CSMD1: variants seen among roughly 807,000 people sequenced by gnomAD.
CSMD1 encodes the protein CUB and Sushi multiple domains 1, also known as CUB and sushi domain-containing protein 1.
CSMD1 carries 213 observed loss-of-function variants against 417.5 expected under a neutral mutation model. The ratio of observed to expected loss-of-function variants is 0.51; its 90% CI spans 0.46 to 0.57. CSMD1 has a LOEUF of 0.57. CSMD1 is among the 20% of genes least tolerant of loss of function. The pLI, the probability that CSMD1 is intolerant of heterozygous loss-of-function variation, is 0.00. For synonymous variants in CSMD1, 2,862 were observed against 1,736.8 expected, an observed-to-expected ratio of 1.65 and a Z score of -16.11; for missense variants, 6,923 against 4,529.7, an observed-to-expected ratio of 1.53 and a Z score of -15.17.
chr8:3,586,256 C>A lies in CSMD1; in HGVS notation c.1102G>T (p.Gly368Cys). ...GRRAGSDFRV[G>C]ANVQFSCEDN... ...TCACATGAAAACTGTACATTTGCAC[C>A]AACCCTAAGCCGTTAAAAAAGAAAA... The change falls in exon 9 of 70, where the codon GGT (glycine) becomes TGT (cysteine). Residue 368 changes from glycine (G) to cysteine (C), a missense_variant. By Grantham distance (159) the Gly-to-Cys change is radical. Transcript: ENST00000635120. The A allele has an allele frequency of 1.3e-6, 2 of 1,573,172 alleles. No individual in the cohort carries two copies. Among genetic ancestry groups the A allele is most frequent in the East Asian group, 4.5e-5 (2 of 44,326 alleles).
At chr8:4,210,508 A>G (rs940449669) in intron 3 of CSMD1, among the ~76,000 whole-genome samples, 4 of 152,134 alleles carry the variant, frequency 2.6e-5, no homozygotes, top group Non-Finnish European at 5.9e-5. Context: ...TTCTTCTCTT[A>G]TATCTTAGTG....
At position 3,096,930 on chromosome 8, in the gene CSMD1, C is replaced by A. The variant is rs1328029196; in HGVS notation, c.7057G>T (p.Val2353Leu). ...ATGGTAATGTTGTAGTTTGGTTCCA[C>A]TTTAATACTCCAAGAGCAAGTCTGG... ...NSQTCSWSIK[V>L]EPNYNITIFV... Residue 2353 changes from valine (V) to leucine (L), a missense_variant, in exon 47 of 70, where the codon GTG becomes TTG. Val to Leu is a conservative substitution (Grantham distance 32, BLOSUM62 1). Coordinates refer to ENST00000635120, the MANE Select transcript of CSMD1 (RefSeq NM_033225.6). The A allele has an allele frequency of 1.3e-6, 2 of 1,556,450 alleles. No individual in the cohort carries two copies. The highest frequency in any genetic ancestry group is 1.7e-6 in the Non-Finnish European group (2 of 1,148,870).
Position 3,883,502 on chromosome 8 carries a change from T to A in CSMD1, c.818+114401A>T, listed in dbSNP as rs531048993. 2.6e-5 allele frequency among the ~76,000 whole-genome samples: 4 copies of A among 152,304 alleles called. No homozygotes were observed. In the East Asian group the frequency reaches 7.7e-4, roughly 29 times the overall value. Reference sequence around the variant, plus strand: ...TATGCACACAAATATACCTTTTCACTGCTCCTTTAAATGAATCATGCGGCT... The same window carrying A: ...TATGCACACAAATATACCTTTTCACAGCTCCTTTAAATGAATCATGCGGCT... On this transcript the variant is annotated intron_variant, in intron 5 of 69. Transcript: ENST00000635120.
chr8:4,231,199 C>G (rs980123801), intron 3 of CSMD1, among the ~76,000 whole-genome samples: 1 of 152,154 alleles, frequency 6.6e-6, no homozygotes, highest in African/African-American at 2.4e-5. Flanking sequence ...CGCATTGAGT[C>G]TAAATGAAAG....
Position 4,667,269 on chromosome 8 carries a change from C to A in CSMD1, c.86-29711G>T, listed in dbSNP as rs140392239. Among the ~76,000 whole-genome samples the A allele has an allele frequency of 2.6e-3, 400 of 152,120 alleles. 2 individuals are homozygous for A. Among genetic ancestry groups the A allele is most frequent in the African/African-American group, 8.6e-3 (357 of 41,496 alleles). On this transcript the variant is annotated intron_variant, in intron 1 of 69. Coordinates refer to ENST00000635120, the MANE Select transcript of CSMD1 (RefSeq NM_033225.6). Reference sequence around the variant, plus strand: ...TGATTACTGTAGCATGAAAAGAAATCTTGAAATCAGAGTGTGTTAGTGATC... The same window carrying A: ...TGATTACTGTAGCATGAAAAGAAATATTGAAATCAGAGTGTGTTAGTGATC...
intron 29 of CSMD1, among the ~76,000 whole-genome samples, chr8:3,218,154 T>C (rs1380536460): frequency 6.6e-6 from 1 of 152,150 alleles, no homozygotes; most frequent in Non-Finnish European, 1.5e-5. Context: ...AAATCACTGA[T>C]CTGATGATAA....
At chr8:3,291,517 C>G (rs987806417) in intron 25 of CSMD1, among the ~76,000 whole-genome samples, 3 of 152,220 alleles carry the variant, frequency 2.0e-5, no homozygotes, top group Admixed American at 6.5e-5. Context: ...TGTTATTGGT[C>G]TATTCAGAGA....
At chr8:3,447,741 G>C (rs764931449) in intron 12 of CSMD1, among the ~76,000 whole-genome samples, 1 of 152,204 alleles carries the variant, frequency 6.6e-6, no homozygotes, top group Non-Finnish European at 1.5e-5. Context: ...AGGTCACTTG[G>C]AGTGGCCAGT....
intron 3 of CSMD1, among the ~76,000 whole-genome samples, chr8:4,311,811 G>T: frequency 6.6e-6 from 1 of 151,894 alleles, no homozygotes. Context: ...AGGGCCTAGT[G>T]GATGGTGGAG....
rs573581392 is a variant in CSMD1 at position 4,754,450 on chromosome 8, C to G, written c.86-116892G>C. Among the ~76,000 whole-genome samples, 7 of 152,204 alleles carry G rather than the reference C, an allele frequency of 4.6e-5. No individual in the cohort carries two copies. The South Asian group carries it at 6.2e-4, about 14-fold the overall frequency. ...AAGTAGTAACTAACTTGTATACTTC[C>G]CAAATTAGCATCTGTGTCATGCATG... On this transcript the variant is annotated intron_variant, in intron 1 of 69. Coordinates refer to ENST00000635120, the MANE Select transcript of CSMD1 (RefSeq NM_033225.6).
intron 52 of CSMD1, among the ~76,000 whole-genome samples, chr8:3,008,201 G>A (rs370102602): frequency 3.3e-4 from 50 of 152,158 alleles, no homozygotes; most frequent in African/African-American, 1.1e-3. Context: ...GGGAGGAAAG[G>A]CCTAATTTCT....
chr8:3,899,214 C>A (rs183949712), intron 5 of CSMD1, among the ~76,000 whole-genome samples: 1 of 152,104 alleles, frequency 6.6e-6, no homozygotes, highest in African/African-American at 2.4e-5. Flanking sequence ...GAACACAGGA[C>A]GGACAAGAGC....
At chr8:3,013,503 C>A (rs1563237189) in intron 52 of CSMD1, among the ~76,000 whole-genome samples, 1 of 152,184 alleles carries the variant, frequency 6.6e-6, no homozygotes, top group Admixed American at 6.5e-5. Flanking sequence ...GTAATCCCAG[C>A]ACTTTGGGAG....
chr8:3,736,753 TTAG>T (rs1796541858), intron 6 of CSMD1, among the ~76,000 whole-genome samples: 1 of 152,188 alleles, frequency 6.6e-6, no homozygotes, highest in South Asian at 2.1e-4. Flanking sequence ...TTACCAATCA[TTAG>T]GTGTGTCGTT....
intron 2 of CSMD1, among the ~76,000 whole-genome samples, chr8:4,600,137 C>G (rs890251266): frequency 6.6e-6 from 1 of 152,116 alleles, no homozygotes; most frequent in Non-Finnish European, 1.5e-5. Context: ...CACTTATTGC[C>G]TAGCTGGGGC....
chr8:4,402,689 T>C (rs1352832126), intron 3 of CSMD1, among the ~76,000 whole-genome samples: 1 of 151,888 alleles, frequency 6.6e-6, no homozygotes, highest in Non-Finnish European at 1.5e-5. Context: ...ATGGAGAAAA[T>C]AGAAGCAATG....
At chr8:4,186,597 T>C (rs1488236941) in intron 3 of CSMD1, among the ~76,000 whole-genome samples, 1 of 152,178 alleles carries the variant, frequency 6.6e-6, no homozygotes, top group East Asian at 1.9e-4. Context: ...TAATGTCAAA[T>C]CAGCCCCTCT....
intron 3 of CSMD1, among the ~76,000 whole-genome samples, chr8:4,376,496 A>G (rs979640012): frequency 5.9e-5 from 9 of 152,330 alleles, no homozygotes; most frequent in Non-Finnish European, 1.3e-4. Flanking sequence ...TTTTATATGA[A>G]TAGACCATTA....
At chr8:4,133,912 G>T (rs1487271263) in intron 3 of CSMD1, among the ~76,000 whole-genome samples, 1 of 152,074 alleles carries the variant, frequency 6.6e-6, no homozygotes, top group Non-Finnish European at 1.5e-5. Flanking sequence ...TAGTTATCCA[G>T]GGAAACAGAA....
Sources: gnomAD v4.1 joint callset for allele counts (sites outside exome capture counted in the v4.1 genomes callset) on GRCh38, gnomAD v4.1.1 for gene constraint, MANE v1.5 for transcripts, NCBI Gene and HGNC (gene_info 2026-07-23, HGNC 2026-07-21) for gene names.